MACC1: variants seen among roughly 807,000 people sequenced by gnomAD.
MACC1 encodes metastasis-associated in colon cancer protein 1.
A neutral mutation model predicts 70.7 loss-of-function variants in MACC1; 79 were observed. The observed-to-expected ratio is 1.12, with a 90% CI of 0.93 to 1.35. MACC1 has a LOEUF of 1.35. Ranked by LOEUF, MACC1 falls within the 40% of genes most tolerant of loss-of-function variation. The pLI, the probability that MACC1 is intolerant of heterozygous loss-of-function variation, is 0.00. For missense variants in MACC1, 1,106 were observed against 978.1 expected (o/e 1.13, Z -1.74); for synonymous variants, 361 against 347.2 (o/e 1.04, Z -0.44).
chr7:20,193,919 T>C (rs945285004), intron 1 of MACC1, among the ~76,000 whole-genome samples: 2 of 152,044 alleles, frequency 1.3e-5, no homozygotes, highest in Non-Finnish European at 2.9e-5. Flanking sequence ...TAAGAAGCCA[T>C]GTTTAAAGAA....
intron 2 of MACC1, among the ~76,000 whole-genome samples, chr7:20,166,165 G>A (rs1292853642): frequency 1.3e-5 from 2 of 152,090 alleles, no homozygotes; most frequent in Non-Finnish European, 2.9e-5. Flanking sequence ...CTGAAACCTC[G>A]ATGATTTCCA....
At chr7:20,190,368 T>C (rs1294710520) in intron 1 of MACC1, among the ~76,000 whole-genome samples, 2 of 152,238 alleles carry the variant, frequency 1.3e-5, no homozygotes, top group African/African-American at 2.4e-5. Context: ...CATTTGATCC[T>C]AATCATTTAT....
At chr7:20,211,443 A>G (rs1782994795) in intron 1 of MACC1, among the ~76,000 whole-genome samples, 1 of 152,152 alleles carries the variant, frequency 6.6e-6, no homozygotes. Context: ...TACCTGTGGA[A>G]AAGTCAGTCA....
intron 1 of MACC1, among the ~76,000 whole-genome samples, chr7:20,209,513 C>T (rs1782965026): frequency 6.6e-6 from 1 of 152,196 alleles, no homozygotes; most frequent in Non-Finnish European, 1.5e-5. Flanking sequence ...GCCAATTTCT[C>T]CCATTTGGAA....
intron 1 of MACC1, among the ~76,000 whole-genome samples, chr7:20,189,676 A>G (rs1366933670): frequency 2.0e-5 from 3 of 152,000 alleles, no homozygotes; most frequent in African/African-American, 4.8e-5. Context: ...TCTTAGTTCT[A>G]GGCCAGCGTA....
chr7:20,216,327 C>A (rs1583417075), intron 1 of MACC1, among the ~76,000 whole-genome samples: 1 of 152,132 alleles, frequency 6.6e-6, no homozygotes, highest in East Asian at 1.9e-4. Flanking sequence ...TTTTTAAAAT[C>A]TATCTTTATT....
intron 5 of MACC1, among the ~76,000 whole-genome samples, chr7:20,155,977 AT>A (rs1407874108): frequency 6.6e-6 from 1 of 152,188 alleles, no homozygotes. Flanking sequence ...CTATTTAATG[AT>A]TTTTAAAATC....
chr7:20,201,701 G>A (rs934954666), intron 1 of MACC1, among the ~76,000 whole-genome samples: 1 of 151,242 alleles, frequency 6.6e-6, no homozygotes, highest in Non-Finnish European at 1.5e-5. Context: ...AACTAGGAAA[G>A]TGGTTGTAAG....
rs753516219 is a variant in MACC1 at position 20,158,983 on chromosome 7, A to G, written c.1378T>C (p.Leu460=). 13 of 1,614,022 alleles carry G rather than the reference A, an allele frequency of 8.1e-6. No homozygotes were observed. In the East Asian group the frequency reaches 2.7e-4, roughly 33 times the overall value. ...TGATGAACTACTTCACCTGCTTCCA[A>G]CTGCTTTTGTTTAATTTCTTTCCTT... ...GERKEIKQKQ[L]EAGEVVHQQF... is the part of the protein sequence containing the mutation. Residue 460 remains leucine (L), a synonymous_variant, in exon 5 of 7, where the codon TTG becomes CTG. Coordinates refer to ENST00000400331, the MANE Select transcript of MACC1 (RefSeq NM_182762.4).
chr7:20,180,336 G>C (rs141395340), intron 1 of MACC1, among the ~76,000 whole-genome samples: 1 of 151,674 alleles, frequency 6.6e-6, no homozygotes, highest in Non-Finnish European at 1.5e-5. Flanking sequence ...CCAGCTTCTC[G>C]GGAGGCTGAG....
At chr7:20,183,102 A>T (rs1782534778) in intron 1 of MACC1, among the ~76,000 whole-genome samples, 1 of 152,196 alleles carries the variant, frequency 6.6e-6, no homozygotes, top group Non-Finnish European at 1.5e-5. Flanking sequence ...TGATTACGTG[A>T]CATTGTATGG....
At chr7:20,141,396 C>A (rs1781799005) in intron 6 of MACC1, among the ~76,000 whole-genome samples, 1 of 151,904 alleles carries the variant, frequency 6.6e-6, no homozygotes, top group African/African-American at 2.4e-5. Context: ...GGCCTTTTTT[C>A]CCTTGATCCA....
In MACC1 at chr7:20,159,802, G is replaced by A. The variant is rs747235923; in HGVS notation, c.559C>T (p.Gln187Ter). Reference sequence around the variant, plus strand: ...AAATCAAGGCAGGAGCGGGCCAGCTGGCGTTGACTTAACCAAGCCATTTTA... The same window carrying A: ...AAATCAAGGCAGGAGCGGGCCAGCTAGCGTTGACTTAACCAAGCCATTTTA... ...AYKMAWLSQR[Q>*]LARSCLDLNT... Residue 187 changes from glutamine to a stop codon, truncating the protein, a stop_gained, in exon 5 of 7, where the codon CAG (glutamine) becomes TAG (stop). Coordinates refer to ENST00000400331, the MANE Select transcript of MACC1 (RefSeq NM_182762.4). LOFTEE classifies it high-confidence loss of function. 1.9e-6 allele frequency: 3 copies of A among 1,614,094 alleles called. No individual in the cohort carries two copies. The highest frequency in any genetic ancestry group is 2.2e-5 in the South Asian group (2 of 91,088).
At position 20,134,723 on chromosome 7, in the gene MACC1, A is replaced by C; in HGVS notation, c.*6223T>G. 6.6e-6 allele frequency: 1 copy of C among 152,222 alleles called. No homozygotes were observed. The highest frequency in any genetic ancestry group is 1.9e-4 in the East Asian group (1 of 5,204). 9.4% of individuals were successfully genotyped at this position (152,222 alleles called of 1,614,324 possible). On this transcript the variant is annotated 3_prime_UTR_variant, in exon 7 of 7. Transcript: ENST00000400331. ...ATGCCCCAGTAAATTCCATGTATTG[A>C]GTTTAAGTGAGCATATAAACATTAG... is the stretch of plus-strand genomic sequence containing the variant.
In MACC1 at chr7:20,160,844, T is replaced by G. The variant is rs559864062; in HGVS notation, c.116-599A>C. Among the ~76,000 whole-genome samples, 4 of 152,228 alleles carry G rather than the reference T, an allele frequency of 2.6e-5. No homozygotes were observed. The East Asian group carries it at 5.8e-4, about 22-fold the overall frequency. ...TATTAGATAATTCTATAATTTTGTA[T>G]TGAAATGTTATTAACATTTTTCAGG... is the stretch of plus-strand genomic sequence containing the variant. On this transcript the variant is annotated intron_variant, in intron 4 of 6. Transcript: ENST00000400331.
At chr7:20,208,337 G>A (rs983273897) in intron 1 of MACC1, among the ~76,000 whole-genome samples, 1 of 152,168 alleles carries the variant, frequency 6.6e-6, no homozygotes, top group Non-Finnish European at 1.5e-5. Context: ...AGGAAAATGT[G>A]GGAAAGTTTG....
chr7:20,147,592 A>G (rs1467934723), intron 6 of MACC1: 2 of 152,232 alleles, frequency 1.3e-5, no homozygotes, highest in Non-Finnish European at 2.9e-5. Flanking sequence ...GTACATAAAT[A>G]TTGTTGAAGG....
chr7:20,143,358 C>G (rs991724675), intron 6 of MACC1, among the ~76,000 whole-genome samples: 2 of 152,192 alleles, frequency 1.3e-5, no homozygotes, highest in Admixed American at 1.3e-4. Flanking sequence ...AACGTCCTCA[C>G]ATTTGGCAAT....
chr7:20,140,771 A>G lies in MACC1; in HGVS notation c.*175T>C. On this transcript the variant is annotated 3_prime_UTR_variant, in exon 7 of 7. Transcript: ENST00000400331. Reference sequence around the variant, plus strand: ...CTGGTTTTGAGCATGAAGAAAATTAATATAATGCTTTTCTGAGATTCTTTC... The same window carrying G: ...CTGGTTTTGAGCATGAAGAAAATTAGTATAATGCTTTTCTGAGATTCTTTC... 2.1e-6 allele frequency: 1 copy of G among 485,348 alleles called. No homozygotes were observed. Among genetic ancestry groups the G allele is most frequent in the Non-Finnish European group, 3.5e-6 (1 of 287,318 alleles). The allele number at this position is 485,348 out of a possible 1,614,324, so 30.1% of individuals were successfully genotyped here. A position where few individuals can be genotyped will look rare whatever the true frequency, so the allele number is the denominator to read the frequency against.
Sources: allele counts gnomAD v4.1 joint callset (sites outside exome capture counted in the v4.1 genomes callset), GRCh38; gene constraint gnomAD v4.1.1; transcripts MANE v1.5; gene names NCBI Gene and HGNC (gene_info 2026-07-23, HGNC 2026-07-21).